The following KIAA0232 variants were observed in gnomAD, a reference collection of about 807,000 sequenced individuals.
KIAA0232 encodes KIAA0232, also known as uncharacterized protein KIAA0232.
A neutral mutation model predicts 122.0 loss-of-function variants in KIAA0232; 27 were observed. The observed-to-expected ratio is 0.22, with a 90% CI of 0.16 to 0.31. KIAA0232 has a LOEUF of 0.31. Ranked by LOEUF, KIAA0232 falls within the 10% of genes least tolerant of loss-of-function variation. The pLI, the probability that KIAA0232 is intolerant of heterozygous loss-of-function variation, is 1.00. For missense variants in KIAA0232, 1,551 were observed against 1,634.2 expected, an observed-to-expected ratio of 0.95 and a Z score of 0.88; for synonymous variants, 613 against 587.6, an observed-to-expected ratio of 1.04 and a Z score of -0.63.
At chr4:6,850,732 T>C (rs1720232807) in intron 4 of KIAA0232, among the ~76,000 whole-genome samples, 1 of 151,920 alleles carries the variant, frequency 6.6e-6, no homozygotes, top group South Asian at 2.1e-4. Context: ...AGTGGCGTTA[T>C]CTCAGTCAGC....
rs371542453 is a variant in KIAA0232 at position 6,883,707 on chromosome 4, A to G, written c.*2741A>G. On this transcript the variant is annotated 3_prime_UTR_variant, in exon 10 of 10. Transcript: ENST00000307659. Reference sequence around the variant, plus strand: ...CTTCTGGGGAAAAAATTAAATCTTTATATGTTAATATGATTGATATTCATT... The same window carrying G: ...CTTCTGGGGAAAAAATTAAATCTTTGTATGTTAATATGATTGATATTCATT... 7.2e-5 allele frequency: 11 copies of G among 152,294 alleles called. No individual in the cohort carries two copies. In the South Asian group the frequency reaches 2.1e-3, roughly 29 times the overall value. The allele number at this position is 152,294 out of a possible 1,614,324, so 9.4% of individuals were successfully genotyped here.
chr4:6,869,035 G>A (rs1721328297), intron 7 of KIAA0232, among the ~76,000 whole-genome samples: 1 of 152,158 alleles, frequency 6.6e-6, no homozygotes, highest in Non-Finnish European at 1.5e-5. Context: ...TGCTTTGTGC[G>A]GGGCCCCATA....
At chr4:6,851,285 C>A (rs924326263) in intron 4 of KIAA0232, among the ~76,000 whole-genome samples, 2 of 152,190 alleles carry the variant, frequency 1.3e-5, no homozygotes, top group African/African-American at 2.4e-5. Flanking sequence ...TCCAGACATT[C>A]AGCTCATAGC....
rs1041537990 is a variant in KIAA0232, at chr4:6,883,794, T to G, written c.*2828T>G. The G allele has an allele frequency of 2.0e-5, 3 of 152,254 alleles. No homozygotes were observed. The highest frequency in any genetic ancestry group is 7.2e-5 in the African/African-American group (3 of 41,470). 9.4% of individuals were successfully genotyped at this position (152,254 alleles called of 1,614,324 possible). A position where few individuals can be genotyped will look rare whatever the true frequency, so the allele number is the denominator to read the frequency against. On this transcript the variant is annotated 3_prime_UTR_variant, in exon 10 of 10. Transcript: ENST00000307659. ...AGGGAAAAGGAAAACTCATATGTCC[T>G]TCTGTCACTCTGAGACATACACTGG...
intron 3 of KIAA0232, among the ~76,000 whole-genome samples, chr4:6,832,757 A>G (rs768962689): frequency 1.4e-4 from 22 of 152,190 alleles, no homozygotes; most frequent in Admixed American, 4.6e-4. Flanking sequence ...GGATAGCCAC[A>G]TGTTTCTTTC....
At chr4:6,801,865 A>T (rs1717399778) in intron 1 of KIAA0232, among the ~76,000 whole-genome samples, 2 of 152,184 alleles carry the variant, frequency 1.3e-5, no homozygotes, top group African/African-American at 4.8e-5. Flanking sequence ...TGCTGAAATC[A>T]TACTCTTTTA....
chr4:6,796,634 G>A (rs1489890633), intron 1 of KIAA0232, among the ~76,000 whole-genome samples: 1 of 152,228 alleles, frequency 6.6e-6, no homozygotes. Flanking sequence ...AGTAGAAAAG[G>A]AAGCACACAT....
At chr4:6,856,041 T>C (rs1490477499) in intron 4 of KIAA0232, 6 of 158,866 alleles carry the variant, frequency 3.8e-5, no homozygotes, top group Non-Finnish European at 6.7e-5. Context: ...AAACCTGTGG[T>C]ATGACGTGGA....
At position 6,855,513 on chromosome 4, in the gene KIAA0232, G is replaced by C. The variant is rs984429794; in HGVS notation, c.370-1651G>C. 2.0e-5 allele frequency among the ~76,000 whole-genome samples: 3 copies of C among 151,294 alleles called. No homozygotes were observed. The highest frequency in any genetic ancestry group is 4.9e-5 in the African/African-American group (2 of 41,154). ...CTCTTATTTTGCTGTTTAAACATGA[G>C]AGCAAAAAAAATATATGTTTATATA... On this transcript the variant is annotated intron_variant, in intron 4 of 9. Transcript: ENST00000307659. The surrounding 1 kb of genome is among the most constrained non-coding windows in gnomAD (Gnocchi z 4.3).
chr4:6,784,284 G>T (rs1010672704), intron 1 of KIAA0232, among the ~76,000 whole-genome samples: 2 of 152,130 alleles, frequency 1.3e-5, no homozygotes, highest in Admixed American at 1.3e-4. Flanking sequence ...AGCTCGTGAG[G>T]GGGTAGGGAC....
chr4:6,834,475 T>TA (rs151259098), intron 3 of KIAA0232, among the ~76,000 whole-genome samples: 66 of 152,342 alleles, frequency 4.3e-4, no homozygotes, highest in African/African-American at 1.5e-3. Context: ...ACTCCTCTTC[T>TA]AGCAGGTAGG....
intron 7 of KIAA0232, among the ~76,000 whole-genome samples, chr4:6,869,929 G>T (rs879555666): frequency 1.2e-4 from 18 of 152,246 alleles, no homozygotes; most frequent in Admixed American, 7.8e-4. Context: ...GTGTTCACAG[G>T]CCTCTCCACT....
rs1717255539 is a variant in KIAA0232, at chr4:6,798,967, C to T, written c.-353-5556C>T. Reference sequence around the variant, plus strand: ...TTCCTAGGGATGCTACAACAAAGTACCCCAAACTTTGATGGATGGCTTTTA... The same window carrying T: ...TTCCTAGGGATGCTACAACAAAGTATCCCAAACTTTGATGGATGGCTTTTA... On this transcript the variant is annotated intron_variant, in intron 1 of 9. Transcript: ENST00000307659. Among the ~76,000 whole-genome samples the T allele has an allele frequency of 2.6e-5, 4 of 152,272 alleles. No homozygotes were observed. In the South Asian group the frequency reaches 8.3e-4, roughly 32 times the overall value.
Position 6,842,015 on chromosome 4 carries a change from A to C in KIAA0232, c.232-52A>C, listed in dbSNP as rs544470462. On this transcript the variant is annotated intron_variant, in intron 3 of 9. Transcript: ENST00000307659. ...TGAGTGTGTGTGGTAGGTGGAACATAGTAGTGTCCAAGTTAGCCCTGGTCA... is the reference window on the plus strand; with the variant it reads ...TGAGTGTGTGTGGTAGGTGGAACATCGTAGTGTCCAAGTTAGCCCTGGTCA... The C allele has an allele frequency of 5.6e-6, 9 of 1,603,014 alleles. No homozygotes were observed. The African/African-American group carries it at 1.1e-4, about 19-fold the overall frequency.
At position 6,876,695 on chromosome 4, in the gene KIAA0232, G is replaced by GA; in HGVS notation, c.3948dup (p.Glu1317ArgfsTer6). The GA allele has an allele frequency of 6.2e-7, 1 of 1,613,294 alleles. No homozygotes were observed. The highest frequency in any genetic ancestry group is 8.5e-7 in the Non-Finnish European group (1 of 1,179,266). On this transcript the variant is annotated frameshift_variant, in exon 9 of 10. Transcript: ENST00000307659. LOFTEE classifies it high-confidence loss of function. ...AAATGCCAAGGGAGAGAGTGGTTTAGAAGAATATCCAGATGCTAAAGAGAC... is the reference window on the plus strand; with the variant it reads ...AAATGCCAAGGGAGAGAGTGGTTTAGAAAGAATATCCAGATGCTAAAGAGAC...
rs538465459 is a variant in KIAA0232, at chr4:6,875,248, T to G, written c.3911-1412T>G. On this transcript the variant is annotated intron_variant, in intron 8 of 9. Transcript: ENST00000307659. Reference sequence around the variant, plus strand: ...GTGTGCCCGGCACTGTGCTTGAGGCTTCACCTCTTTGAATTTGCACAGAAA... The same window carrying G: ...GTGTGCCCGGCACTGTGCTTGAGGCGTCACCTCTTTGAATTTGCACAGAAA... 3.3e-5 allele frequency among the ~76,000 whole-genome samples: 5 copies of G among 152,368 alleles called. No homozygotes were observed. In the East Asian group the frequency reaches 7.7e-4, roughly 24 times the overall value.
chr4:6,853,920 T>G (rs1424514595), intron 4 of KIAA0232, among the ~76,000 whole-genome samples: 1 of 152,132 alleles, frequency 6.6e-6, no homozygotes, highest in Non-Finnish European at 1.5e-5. Context: ...TCAGTCTCCA[T>G]CATCATTTAA....
rs199745129 is a variant in KIAA0232, at chr4:6,862,139, A to G, written c.1757A>G (p.Asn586Ser). The change falls in exon 7 of 10, where the codon AAT becomes AGT. Residue 586 changes from asparagine (N) to serine (S), a missense_variant. Coordinates refer to ENST00000307659, the MANE Select transcript of KIAA0232 (RefSeq NM_014743.3). ...AEGLFLQDLG[N>S]LAQFWECCSS... is the part of the protein sequence containing the mutation. Reference sequence around the variant, plus strand: ...GGCTTATTCCTGCAGGACCTTGGCAATCTGGCTCAGTTTTGGGAGTGCTGT... The same window carrying G: ...GGCTTATTCCTGCAGGACCTTGGCAGTCTGGCTCAGTTTTGGGAGTGCTGT... 108 of 1,614,040 alleles carry G rather than the reference A, an allele frequency of 6.7e-5. No homozygotes were observed. Among genetic ancestry groups the G allele is most frequent in the East Asian group, 8.9e-5 (4 of 44,886 alleles).
Position 6,863,239 on chromosome 4 carries a change from C to T in KIAA0232, c.2857C>T (p.His953Tyr), listed in dbSNP as rs771116242. 6.2e-7 allele frequency: 1 copy of T among 1,614,002 alleles called. No individual in the cohort carries two copies. The highest frequency in any genetic ancestry group is 8.5e-7 in the Non-Finnish European group (1 of 1,180,014). The stretch of plus-strand genomic sequence containing the variant: ...GGAGTGGGCAGTCGTACCACCTAGT[C>T]ACACAAAAGGAAGTCTGTTACAGTG... ...DGEWAVVPPS[H>Y]TKGSLLQCAA... The change falls in exon 7 of 10, where the codon CAC becomes TAC. Residue 953 changes from histidine (H) to tyrosine (Y), a missense_variant. By Grantham distance (83) the His-to-Tyr change is moderately conservative. Around this residue, in one of 5 missense-constraint regions of KIAA0232, gnomAD observed 1,108 missense variants for 1,154.8 expected, o/e 0.96. Coordinates refer to ENST00000307659, the MANE Select transcript of KIAA0232 (RefSeq NM_014743.3).
Sources: allele counts gnomAD v4.1 joint callset (sites outside exome capture counted in the v4.1 genomes callset), GRCh38; gene constraint gnomAD v4.1.1; regional missense constraint gnomAD v4.1.1; non-coding constraint Gnocchi (gnomAD v3.1); transcripts MANE v1.5; gene names NCBI Gene and HGNC (gene_info 2026-07-23, HGNC 2026-07-21).